The following KIF1B variants were observed in gnomAD, a reference collection of about 807,000 sequenced individuals.
The protein encoded by KIF1B is kinesin family member 1B, also known as kinesin-like protein KIF1B.
Under a neutral mutation model 241.9 loss-of-function variants are expected in KIF1B, and 76 were observed. The observed-to-expected ratio is 0.31, with a 90% CI of 0.26 to 0.38. KIF1B has a LOEUF of 0.38. Ranked by LOEUF, KIF1B falls within the 10% of genes least tolerant of loss-of-function variation. KIF1B has a pLI of 1.00. For missense variants in KIF1B, 1,622 were observed against 2,271.4 expected (o/e 0.71, Z 5.81); for synonymous variants, 750 against 796.7 (o/e 0.94, Z 0.99).
At chr1:10,247,395 T>G (rs4240911) in intron 2 of KIF1B, among the ~76,000 whole-genome samples, 1 of 152,042 alleles carries the variant, frequency 6.6e-6, no homozygotes, top group East Asian at 1.9e-4. Flanking sequence ...ACTTTCACTG[T>G]GATCTTTTAT....
In KIF1B at chr1:10,347,790, C is replaced by A; in HGVS notation, c.3827C>A (p.Ala1276Glu). ...ATCCCAGCTGTGGTTGACCACACAGCAGGCTTGCCTTGCCAGGGGACATTT... is the reference window on the plus strand; with the variant it reads ...ATCCCAGCTGTGGTTGACCACACAGAAGGCTTGCCTTGCCAGGGGACATTT... ...EYIPAVVDHT[A>E]GLPCQGTFLL... The change falls in exon 36 of 49, where the codon GCA (alanine) becomes GAA (glutamate). Residue 1276 changes from alanine (A) to glutamate (E), a missense_variant. By Grantham distance (107) the Ala-to-Glu change is moderately radical. This residue lies in a region of KIF1B where 803 missense variants were observed against 1,112.0 expected (regional missense o/e 0.72). Coordinates refer to ENST00000676179, the MANE Select transcript of KIF1B (RefSeq NM_001365951.3). 6.2e-7 allele frequency: 1 copy of A among 1,613,338 alleles called. No individual in the cohort carries two copies. The highest frequency in any genetic ancestry group is 1.7e-5 in the Admixed American group (1 of 59,994).
chr1:10,236,503 A>AGGTT (rs1647054523), intron 2 of KIF1B, among the ~76,000 whole-genome samples: 1 of 152,214 alleles, frequency 6.6e-6, no homozygotes, highest in Non-Finnish European at 1.5e-5. Context: ...AATCCTCAGT[A>AGGTT]GGTTAATCAG....
At chr1:10,358,102 C>CAAAAAAAAA (rs541043240) in intron 38 of KIF1B, among the ~76,000 whole-genome samples, 1 of 85,142 alleles carries the variant, frequency 1.2e-5, no homozygotes, top group African/African-American at 3.6e-5. Flanking sequence ...AAGTCCAAAG[C>CAAAAAAAAA]AAAAAAAAAA....
chr1:10,371,990 A>C (rs1638746242), intron 45 of KIF1B, among the ~76,000 whole-genome samples: 1 of 152,178 alleles, frequency 6.6e-6, no homozygotes, highest in East Asian at 1.9e-4. Context: ...TCATCATCAT[A>C]ATCCGTTCTT....
chr1:10,313,887 A>AATTATTATT (rs879403654), intron 22 of KIF1B, among the ~76,000 whole-genome samples: 1 of 147,902 alleles, frequency 6.8e-6, no homozygotes, highest in Non-Finnish European at 1.5e-5. Flanking sequence ...CTACTGAAAA[A>AATTATTATT]ATTATTATTA....
intron 1 of KIF1B, among the ~76,000 whole-genome samples, chr1:10,217,246 T>A (rs1646781068): frequency 6.6e-6 from 1 of 151,770 alleles, no homozygotes; most frequent in Non-Finnish European, 1.5e-5. Flanking sequence ...AATGTTGGGA[T>A]TACGGGCGTG....
intron 15 of KIF1B, among the ~76,000 whole-genome samples, chr1:10,290,823 C>T (rs557259925): frequency 2.7e-5 from 4 of 150,838 alleles, no homozygotes; most frequent in Non-Finnish European, 4.4e-5. Context: ...GATCTGAGAT[C>T]GCGCCACTGC....
intron 1 of KIF1B, among the ~76,000 whole-genome samples, chr1:10,217,343 C>CT (rs769372780): frequency 0.031 from 4,053 of 131,958 alleles, 187 homozygotes; most frequent in African/African-American, 0.097. Context: ...CTTTCTTTTT[C>CT]TTTTTTTTTT....
chr1:10,340,359 C>G (rs1031151667), intron 32 of KIF1B, among the ~76,000 whole-genome samples: 1 of 152,166 alleles, frequency 6.6e-6, no homozygotes, highest in Non-Finnish European at 1.5e-5. Flanking sequence ...AGACCCTTCC[C>G]TCTCTTACGT....
intron 2 of KIF1B, among the ~76,000 whole-genome samples, chr1:10,244,667 C>G (rs900409192): frequency 6.3e-5 from 9 of 141,818 alleles, no homozygotes; most frequent in African/African-American, 2.1e-4. Flanking sequence ...GGCTGGAGTG[C>G]AGTGGCGTGA....
At chr1:10,259,986 T>C (rs1039299649) in intron 4 of KIF1B, among the ~76,000 whole-genome samples, 2 of 152,046 alleles carry the variant, frequency 1.3e-5, no homozygotes, top group African/African-American at 2.4e-5. Flanking sequence ...AGTGAGAAGA[T>C]TGTATTTAAA....
At chr1:10,348,942 G>T (rs1468383486) in intron 37 of KIF1B, among the ~76,000 whole-genome samples, 1 of 152,170 alleles carries the variant, frequency 6.6e-6, no homozygotes, top group Non-Finnish European at 1.5e-5. Context: ...TGCCCTGTTA[G>T]AGATGTTATT....
Position 10,295,067 on chromosome 1 carries a change from C to T in KIF1B, c.1591-19C>T. The T allele has an allele frequency of 1.3e-6, 2 of 1,547,782 alleles. No individual in the cohort carries two copies. The highest frequency in any genetic ancestry group is 1.8e-6 in the Non-Finnish European group (2 of 1,119,568). Reference sequence around the variant, plus strand: ...TCATGGTGCCCTGCTCCAAATTGATCATCTGTAATCTTTTTCAGACCCCAC... The same window carrying T: ...TCATGGTGCCCTGCTCCAAATTGATTATCTGTAATCTTTTTCAGACCCCAC... On this transcript the variant is annotated intron_variant, in intron 17 of 48. Coordinates refer to ENST00000676179, the MANE Select transcript of KIF1B (RefSeq NM_001365951.3).
intron 15 of KIF1B, among the ~76,000 whole-genome samples, chr1:10,290,290 A>G (rs1649928750): frequency 6.6e-6 from 1 of 151,968 alleles, no homozygotes; most frequent in Admixed American, 6.6e-5. Context: ...CCCTGTATGC[A>G]TTAGGTTCTT....
At chr1:10,253,645 G>GA (rs199802874) in intron 2 of KIF1B, among the ~76,000 whole-genome samples, 5 of 150,534 alleles carry the variant, frequency 3.3e-5, no homozygotes, top group South Asian at 2.1e-4. Flanking sequence ...CCTGTCTCAG[G>GA]AAAAAAAAAG....
intron 28 of KIF1B, among the ~76,000 whole-genome samples, chr1:10,336,229 A>G (rs1258209228): frequency 2.0e-5 from 3 of 152,088 alleles, no homozygotes; most frequent in Non-Finnish European, 4.4e-5. Flanking sequence ...GCTCACTGCA[A>G]CCTCCGCCTC....
chr1:10,295,682 C>T lies in KIF1B; in HGVS notation c.1693C>T (p.Arg565Trp), dbSNP rs758740011. 43 of 1,613,442 alleles carry T rather than the reference C, an allele frequency of 2.7e-5. No homozygotes were observed. The highest frequency in any genetic ancestry group is 4.5e-5 in the East Asian group (2 of 44,888). Residue 565 changes from arginine to tryptophan, a missense_variant, in exon 19 of 49, where the codon CGG (arginine) becomes TGG (tryptophan). By Grantham distance (101) the Arg-to-Trp change is moderately radical. Around this residue, in one of 7 missense-constraint regions of KIF1B, gnomAD observed 57 missense variants for 149.0 expected, o/e 0.38. Transcript: ENST00000676179. ...CAGGGTTGGCCAAGCAGATGCTGAG[C>T]GGCGCCAGGACATAGTGCTGAGCGG... ...ITRVGQADAERRQDIVLSGAH... is the reference protein window; with the variant it reads ...ITRVGQADAEWRQDIVLSGAH...
Position 10,365,375 on chromosome 1 carries a change from G to C in KIF1B, c.4513-34G>C, listed in dbSNP as rs1199177434. On this transcript the variant is annotated intron_variant, in intron 42 of 48. Transcript: ENST00000676179. This position sits in a 1 kb window ranked among gnomAD's most constrained non-coding sequence, Gnocchi z 4.0. ...CTCTCCTGAGGTCTTAACGAGCTTT[G>C]TGTTTGCTATAGCAGTAGTATTGAT... The C allele has an allele frequency of 6.2e-7, 1 of 1,614,140 alleles. No homozygotes were observed.
chr1:10,236,817 A>G (rs1207110425), intron 2 of KIF1B, among the ~76,000 whole-genome samples: 2 of 151,676 alleles, frequency 1.3e-5, no homozygotes, highest in Non-Finnish European at 2.9e-5. Context: ...TATTTTAGAA[A>G]GTATTATTGG....
Sources: gnomAD v4.1 joint callset for allele counts (sites outside exome capture counted in the v4.1 genomes callset) on GRCh38, gnomAD v4.1.1 for gene constraint, gnomAD v4.1.1 regional missense constraint, Gnocchi (gnomAD v3.1) non-coding constraint, MANE v1.5 for transcripts, NCBI Gene and HGNC (gene_info 2026-07-23, HGNC 2026-07-21) for gene names.